Variants in VWC2L observed in about 807,000 individuals in gnomAD.
The protein encoded by VWC2L is von Willebrand factor C domain-containing protein 2-like.
A neutral mutation model predicts 21.6 loss-of-function variants in VWC2L; 10 were observed. That is an observed-to-expected ratio of 0.46 (90% CI 0.29 to 0.78). VWC2L has a LOEUF of 0.78. Ranked by LOEUF, VWC2L falls within the 30% of genes least tolerant of loss-of-function variation. The pLI is 0.10. For missense variants in VWC2L, 209 were observed against 277.1 expected, an observed-to-expected ratio of 0.75 and a Z score of 1.74; for synonymous variants, 96 against 94.3, an observed-to-expected ratio of 1.02 and a Z score of -0.10.
chr2:214,516,176 T>C (rs1357172542), intron 3 of VWC2L, among the ~76,000 whole-genome samples: 1 of 151,918 alleles, frequency 6.6e-6, no homozygotes, highest in East Asian at 1.9e-4. Context: ...CCACCACAAT[T>C]GGCAAATACT....
chr2:214,431,890 A>T (rs1349391633), intron 2 of VWC2L, among the ~76,000 whole-genome samples: 2 of 152,224 alleles, frequency 1.3e-5, no homozygotes, highest in Admixed American at 6.5e-5. Flanking sequence ...CTACTGCTAG[A>T]TAACCTAGTC....
intron 3 of VWC2L, among the ~76,000 whole-genome samples, chr2:214,522,600 T>C (rs1411626362): frequency 6.6e-6 from 1 of 152,050 alleles, no homozygotes; most frequent in African/African-American, 2.4e-5. Context: ...AGTCTTTACA[T>C]ACATATACAC....
At chr2:214,448,060 T>A (rs745531843) in intron 3 of VWC2L, among the ~76,000 whole-genome samples, 6 of 152,150 alleles carry the variant, frequency 3.9e-5, no homozygotes, top group Non-Finnish European at 2.9e-5. Context: ...ACAACCCAAA[T>A]CACCACTGAC....
chr2:214,430,487 C>G (rs1253776806), intron 2 of VWC2L, among the ~76,000 whole-genome samples: 1 of 152,026 alleles, frequency 6.6e-6, no homozygotes, highest in South Asian at 2.1e-4. Flanking sequence ...TCTCGATATA[C>G]CTTATATACA....
At position 214,576,691 on chromosome 2, in the gene VWC2L, A is replaced by G. The variant is rs1690235577; in HGVS notation, c.*871A>G. On this transcript the variant is annotated 3_prime_UTR_variant, in exon 4 of 4. Transcript: ENST00000312504. ...TCTAAACTCACTGTCATCAGGCAATATAAATACCAGAACCAGGGTGAGAAA... is the reference window on the plus strand; with the variant it reads ...TCTAAACTCACTGTCATCAGGCAATGTAAATACCAGAACCAGGGTGAGAAA... 1 of 152,212 alleles carries G rather than the reference A, an allele frequency of 6.6e-6. No individual in the cohort carries two copies. Among genetic ancestry groups the G allele is most frequent in the African/African-American group, 2.4e-5 (1 of 41,468 alleles). 9.4% of individuals were successfully genotyped at this position (152,212 alleles called of 1,614,324 possible).
chr2:214,432,838 A>G (rs889770980), intron 2 of VWC2L, among the ~76,000 whole-genome samples: 2 of 152,122 alleles, frequency 1.3e-5, no homozygotes, highest in African/African-American at 4.8e-5. Flanking sequence ...CCTGGCCAAC[A>G]TGGTAAGACC....
intron 3 of VWC2L, among the ~76,000 whole-genome samples, chr2:214,483,045 T>C (rs934469483): frequency 1.3e-5 from 2 of 152,184 alleles, no homozygotes; most frequent in Non-Finnish European, 2.9e-5. Flanking sequence ...TTGCAATCAA[T>C]ATACTCTCCT....
intron 3 of VWC2L, chr2:214,473,554 G>A (rs922095873): frequency 3.9e-5 from 6 of 152,104 alleles, no homozygotes; most frequent in African/African-American, 1.4e-4. Context: ...TAATGGACCA[G>A]GTCTGGAAGT....
At chr2:214,543,460 T>A (rs1689658681) in intron 3 of VWC2L, among the ~76,000 whole-genome samples, 1 of 152,212 alleles carries the variant, frequency 6.6e-6, no homozygotes, top group Non-Finnish European at 1.5e-5. Flanking sequence ...CTAATCAATA[T>A]CGTCAAGTTT....
At chr2:214,556,469 C>T (rs1370677007) in intron 3 of VWC2L, among the ~76,000 whole-genome samples, 2 of 152,054 alleles carry the variant, frequency 1.3e-5, no homozygotes, top group African/African-American at 4.8e-5. Context: ...TAAGAACTTT[C>T]CTATTTCATG....
At chr2:214,455,209 G>A (rs937102538) in intron 3 of VWC2L, among the ~76,000 whole-genome samples, 2 of 151,948 alleles carry the variant, frequency 1.3e-5, no homozygotes, top group African/African-American at 4.8e-5. Context: ...GACACTATCT[G>A]AATTTCAGTT....
rs763718833 is a variant in VWC2L, at chr2:214,414,219, G to C, written c.26G>C (p.Cys9Ser). 1.2e-6 allele frequency: 2 copies of C among 1,612,902 alleles called. No individual in the cohort carries two copies. The highest frequency in any genetic ancestry group is 1.7e-6 in the Non-Finnish European group (2 of 1,179,588). ...ATGGCTCTTCATATTCATGAAGCTT[G>C]CATACTTCTGTTGGTCATCCCTGGA... is the stretch of plus-strand genomic sequence containing the variant. MALHIHEACILLLVIPGLV... is the reference protein window; with the variant it reads MALHIHEASILLLVIPGLV... The change falls in exon 2 of 4, where the codon TGC becomes TCC. Residue 9 changes from cysteine to serine, a missense_variant. Physicochemically the swap from Cys to Ser is moderately radical, Grantham distance 112 (BLOSUM62 -1). Transcript: ENST00000312504.
chr2:214,519,880 T>C (rs984028620), intron 3 of VWC2L, among the ~76,000 whole-genome samples: 12 of 152,154 alleles, frequency 7.9e-5, no homozygotes, highest in Non-Finnish European at 1.5e-4. Flanking sequence ...TCAAGATTTA[T>C]ATATGTGCAA....
chr2:214,554,920 A>C (rs527964837), intron 3 of VWC2L, among the ~76,000 whole-genome samples: 124 of 152,140 alleles, frequency 8.2e-4, no homozygotes, highest in Non-Finnish European at 1.4e-3. Context: ...GAAAATCTAC[A>C]TTCTCTGAAG....
intron 3 of VWC2L, among the ~76,000 whole-genome samples, chr2:214,444,583 T>C (rs1702812055): frequency 6.6e-6 from 1 of 151,976 alleles, no homozygotes; most frequent in African/African-American, 2.4e-5. Flanking sequence ...CTTGTGAAAA[T>C]GTTAAATACA....
intron 3 of VWC2L, among the ~76,000 whole-genome samples, chr2:214,506,778 G>A (rs1688973181): frequency 1.3e-5 from 2 of 152,066 alleles, no homozygotes; most frequent in African/African-American, 2.4e-5. Flanking sequence ...TAATTATGGA[G>A]CCAATAAAAA....
At chr2:214,533,714 T>C (rs1440018250) in intron 3 of VWC2L, among the ~76,000 whole-genome samples, 1 of 152,062 alleles carries the variant, frequency 6.6e-6, no homozygotes, top group Non-Finnish European at 1.5e-5. Context: ...TCCCTAGTCA[T>C]AAACACAGAC....
intron 2 of VWC2L, among the ~76,000 whole-genome samples, chr2:214,420,232 A>G (rs1002860857): frequency 1.3e-5 from 2 of 152,184 alleles, no homozygotes; most frequent in African/African-American, 4.8e-5. Flanking sequence ...TTAATGTCCA[A>G]TATTGTAAAA....
chr2:214,479,153 T>C (rs1688566284), intron 3 of VWC2L, among the ~76,000 whole-genome samples: 1 of 152,196 alleles, frequency 6.6e-6, no homozygotes, highest in Non-Finnish European at 1.5e-5. Flanking sequence ...TTGTAAATTC[T>C]CCACATGGGT....
Sources: gnomAD v4.1 joint callset for allele counts (sites outside exome capture counted in the v4.1 genomes callset) on GRCh38, gnomAD v4.1.1 for gene constraint, MANE v1.5 for transcripts, NCBI Gene and HGNC (gene_info 2026-07-23, HGNC 2026-07-21) for gene names.